Variants in MAGI1 observed in about 807,000 individuals in gnomAD.
MAGI1 encodes the protein membrane-associated guanylate kinase, WW and PDZ domain-containing protein 1.
MAGI1 carries 58 observed loss-of-function variants against 139.9 expected under a neutral mutation model. The observed-to-expected ratio is 0.41, with a 90% CI of 0.34 to 0.52. The LOEUF is 0.52. Ranked by LOEUF, MAGI1 falls within the 20% of genes least tolerant of loss-of-function variation. The pLI, the probability that MAGI1 is intolerant of heterozygous loss-of-function variation, is 0.12. For missense variants in MAGI1, 1,874 were observed against 1,901.6 expected (o/e 0.99, Z 0.27); for synonymous variants, 812 against 737.9 (o/e 1.10, Z -1.63).
At chr3:65,729,780 A>G (rs2034001543) in intron 1 of MAGI1, among the ~76,000 whole-genome samples, 1 of 152,230 alleles carries the variant, frequency 6.6e-6, no homozygotes, top group African/African-American at 2.4e-5. Context: ...GAATTTGTCT[A>G]CTGCAAATAC....
At chr3:65,927,866 C>T (rs1046553228) in intron 1 of MAGI1, among the ~76,000 whole-genome samples, 1 of 152,120 alleles carries the variant, frequency 6.6e-6, no homozygotes, top group Non-Finnish European at 1.5e-5. Flanking sequence ...AAGCAGACCA[C>T]ACCTGGCGCT....
chr3:65,646,464 ATC>A (rs545074824), intron 1 of MAGI1, among the ~76,000 whole-genome samples: 6 of 152,140 alleles, frequency 3.9e-5, no homozygotes. Context: ...AGACTTTAAC[ATC>A]TCTCTCTCTT....
chr3:65,569,605 G>A (rs1000868552), intron 2 of MAGI1, among the ~76,000 whole-genome samples: 7 of 152,062 alleles, frequency 4.6e-5, no homozygotes, highest in Non-Finnish European at 7.3e-5. Flanking sequence ...CGGCAGGCAC[G>A]GTGGCTTGTG....
At chr3:65,742,063 C>T (rs1240356768) in intron 1 of MAGI1, among the ~76,000 whole-genome samples, 1 of 152,140 alleles carries the variant, frequency 6.6e-6, no homozygotes. Flanking sequence ...CTTGTTCACT[C>T]GCATGGGGAT....
intron 5 of MAGI1, among the ~76,000 whole-genome samples, chr3:65,462,933 G>C (rs1001474931): frequency 3.3e-5 from 5 of 152,156 alleles, no homozygotes; most frequent in Admixed American, 2.6e-4. Flanking sequence ...TACTATTGGT[G>C]TATAGGAATG....
At chr3:65,468,947 C>CAGTAAATA (rs1950363424) in intron 5 of MAGI1, among the ~76,000 whole-genome samples, 2 of 134,726 alleles carry the variant, frequency 1.5e-5, no homozygotes, top group South Asian at 2.5e-4. Context: ...GGAAGGGAAA[C>CAGTAAATA]AATAAATAAA....
intron 1 of MAGI1, among the ~76,000 whole-genome samples, chr3:65,664,819 T>A (rs2086408995): frequency 6.6e-6 from 1 of 152,192 alleles, no homozygotes; most frequent in Admixed American, 6.5e-5. Context: ...TACAGTCTAT[T>A]TAGTGCCATT....
intron 1 of MAGI1, among the ~76,000 whole-genome samples, chr3:66,001,821 T>C (rs2066754666): frequency 6.6e-6 from 1 of 152,214 alleles, no homozygotes; most frequent in Non-Finnish European, 1.5e-5. Context: ...AATTAAATAA[T>C]TGCTTGTCCA....
intron 1 of MAGI1, among the ~76,000 whole-genome samples, chr3:65,665,423 C>T (rs2086449330): frequency 6.6e-6 from 1 of 152,124 alleles, no homozygotes; most frequent in Non-Finnish European, 1.5e-5. Flanking sequence ...TTTGAAAAAA[C>T]ATAGTGAACA....
In MAGI1 at chr3:65,620,440, G is replaced by A. The variant is rs6809856; in HGVS notation, c.430+1532C>T. On this transcript the variant is annotated intron_variant, in intron 2 of 22. Transcript: ENST00000402939. The stretch of plus-strand genomic sequence containing the variant: ...TACTATAGGAGGAATGCCTGACAGT[G>A]CAGAAGAAGCAGGGCAATGGTGAAC... Among the ~76,000 whole-genome samples, 571 of 152,266 alleles carry A rather than the reference G, an allele frequency of 3.8e-3. 7 individuals are homozygous for A. The highest frequency in any genetic ancestry group is 0.013 in the African/African-American group (552 of 41,564).
intron 10 of MAGI1, among the ~76,000 whole-genome samples, chr3:65,435,832 A>G (rs1575735774): frequency 6.6e-6 from 1 of 152,180 alleles, no homozygotes; most frequent in Non-Finnish European, 1.5e-5. Context: ...AACAGAAGGA[A>G]CAGCCACTGC....
At position 65,520,681 on chromosome 3, in the gene MAGI1, G is replaced by T. The variant is rs545239172; in HGVS notation, c.431-27050C>A. ...GGAAGCTTCTGTGGCACAACTCCCG[G>T]ATTTCCACTACATTAAGAGGCCAGA... On this transcript the variant is annotated intron_variant, in intron 2 of 22. Coordinates refer to ENST00000402939, the MANE Select transcript of MAGI1 (RefSeq NM_001033057.2). Among the ~76,000 whole-genome samples, 14 of 152,228 alleles carry T rather than the reference G, an allele frequency of 9.2e-5. No individual in the cohort carries two copies. The South Asian group carries it at 2.9e-3, about 32-fold the overall frequency.
chr3:65,533,053 T>C (rs189419359), intron 2 of MAGI1, among the ~76,000 whole-genome samples: 102 of 152,302 alleles, frequency 6.7e-4, no homozygotes, highest in African/African-American at 2.3e-3. Flanking sequence ...AGATAAACTT[T>C]TGGGGGGCAT....
At chr3:65,458,111 T>G (rs1213745112) in intron 5 of MAGI1, among the ~76,000 whole-genome samples, 1 of 152,140 alleles carries the variant, frequency 6.6e-6, no homozygotes, top group Non-Finnish European at 1.5e-5. Flanking sequence ...CCACAAAGGT[T>G]GTCGCAAATG....
At chr3:65,758,478 C>T (rs2036731310) in intron 1 of MAGI1, among the ~76,000 whole-genome samples, 1 of 152,160 alleles carries the variant, frequency 6.6e-6, no homozygotes, top group African/African-American at 2.4e-5. Context: ...CCCATACATT[C>T]CCGTTATCAC....
intron 1 of MAGI1, chr3:65,717,343 G>A (rs1246609079): frequency 1.3e-5 from 2 of 152,200 alleles, no homozygotes; most frequent in African/African-American, 4.8e-5. Flanking sequence ...TTGGGGGAAT[G>A]TGTTACTGGC....
At chr3:65,799,151 A>G (rs1382797495) in intron 1 of MAGI1, among the ~76,000 whole-genome samples, 1 of 152,210 alleles carries the variant, frequency 6.6e-6, no homozygotes, top group Non-Finnish European at 1.5e-5. Context: ...GCTGAGCTCT[A>G]TAGTATTCTA....
chr3:65,823,839 T>C (rs992492354), intron 1 of MAGI1, among the ~76,000 whole-genome samples: 17 of 152,212 alleles, frequency 1.1e-4, no homozygotes, highest in Non-Finnish European at 2.2e-4. Context: ...CTTCCATTTT[T>C]AACGATGGAC....
chr3:65,640,192 C>T (rs2084908277), intron 1 of MAGI1, among the ~76,000 whole-genome samples: 2 of 151,898 alleles, frequency 1.3e-5, no homozygotes, highest in African/African-American at 4.8e-5. Context: ...CTGTGTGAGC[C>T]AATTCCTTAA....
Sources: gnomAD v4.1 joint callset for allele counts (sites outside exome capture counted in the v4.1 genomes callset) on GRCh38, gnomAD v4.1.1 for gene constraint, MANE v1.5 for transcripts, NCBI Gene and HGNC (gene_info 2026-07-23, HGNC 2026-07-21) for gene names.